Variants in ERCC6L observed in about 807,000 individuals in gnomAD.
ERCC6L encodes DNA excision repair protein ERCC-6-like.
Under a neutral mutation model 20.1 loss-of-function variants are expected in ERCC6L, and 7 were observed. The ratio of observed to expected loss-of-function variants is 0.35; its 90% CI spans 0.20 to 0.65. ERCC6L has a LOEUF of 0.65. Ranked by LOEUF, ERCC6L falls within the 30% of genes least tolerant of loss-of-function variation. The pLI is 0.69. For synonymous variants in ERCC6L, 278 were observed against 331.3 expected (o/e 0.84, Z 1.75); for missense variants, 592 against 892.4 (o/e 0.66, Z 4.29).
chrX:72,219,237 C>G (rs1569490951), intron 1 of ERCC6L, among the ~76,000 whole-genome samples: 1 of 109,489 alleles, frequency 9.1e-6, no homozygotes, highest in Admixed American at 9.7e-5. Context: ...GCCTGGGAAA[C>G]AGAATGAGAC....
chrX:72,212,945 C>T (rs993064072), intron 1 of ERCC6L, among the ~76,000 whole-genome samples: 3 of 103,677 alleles, frequency 2.9e-5, no homozygotes, highest in Non-Finnish European at 6.0e-5. Flanking sequence ...GACCCTGTCT[C>T]AAAAAAAAAA....
In ERCC6L at chrX:72,238,731, G is replaced by A. The variant is rs1258654366; in HGVS notation, c.68+113C>T. On this transcript the variant is annotated intron_variant, in intron 1 of 1. Coordinates refer to ENST00000334463, the MANE Select transcript of ERCC6L (RefSeq NM_017669.4). Reference sequence around the variant, plus strand: ...TACTGCGAGAAGAGCGCGAGCGCGCGTCTCAAAAGGCTCCGCCTCAACAGT... The same window carrying A: ...TACTGCGAGAAGAGCGCGAGCGCGCATCTCAAAAGGCTCCGCCTCAACAGT... The A allele has an allele frequency of 4.5e-6, 3 of 668,970 alleles. No individual in the cohort carries two copies. The East Asian group carries it at 1.1e-4, about 24-fold the overall frequency. The allele number at this position is 668,970 out of a possible 1,213,427, so 55.1% of individuals were successfully genotyped here. A position where few individuals can be genotyped will look rare whatever the true frequency, so the allele number is the denominator to read the frequency against.
chrX:72,235,752 C>T (rs1423636684), intron 1 of ERCC6L, among the ~76,000 whole-genome samples: 1 of 111,261 alleles, frequency 9.0e-6, no homozygotes, highest in Non-Finnish European at 1.9e-5. Context: ...TTCCAATTTC[C>T]CTATTTTAGG....
chrX:72,214,986 C>CAAAA, intron 1 of ERCC6L, among the ~76,000 whole-genome samples: 1 of 110,960 alleles, frequency 9.0e-6, no homozygotes, highest in East Asian at 2.8e-4. Flanking sequence ...GACTCTGACT[C>CAAAA]AAAACAAACA....
chrX:72,205,776 T>G lies in ERCC6L; in HGVS notation c.2991A>C (p.Thr997=). The change falls in exon 2 of 2, where the codon ACA becomes ACC. Residue 997 remains threonine (T), a synonymous_variant. Coordinates refer to ENST00000334463, the MANE Select transcript of ERCC6L (RefSeq NM_017669.4). ...TCTCAGAAAACTCCCAACTGAGACA[T>G]GTTTTGCTATGCACAAACCCTGCTC... ...NSRAGFVHSK[T]CLSWEFSEKD... The G allele has an allele frequency of 8.3e-7, 1 of 1,211,869 alleles. No homozygotes were observed. The highest frequency in any genetic ancestry group is 1.1e-6 in the Non-Finnish European group (1 of 895,389).
chrX:72,204,737 AG>A lies in ERCC6L; in HGVS notation c.*276del, dbSNP rs2042805598. The A allele has an allele frequency of 1.0e-5, 2 of 194,563 alleles. No individual in the cohort carries two copies. The highest frequency in any genetic ancestry group is 2.1e-4 in the East Asian group (2 of 9,303). 16.0% of individuals were successfully genotyped at this position (194,563 alleles called of 1,213,427 possible). A position where few individuals can be genotyped will look rare whatever the true frequency, so the allele number is the denominator to read the frequency against. The stretch of plus-strand genomic sequence containing the variant: ...GATGATCACTTTCAGAGTAAAATTA[AG>A]AATGACCAGAATAATTTTACAAAAC... On this transcript the variant is annotated 3_prime_UTR_variant, in exon 2 of 2. Coordinates refer to ENST00000334463, the MANE Select transcript of ERCC6L (RefSeq NM_017669.4).
Position 72,207,272 on chromosome X carries a change from T to C in ERCC6L, c.1495A>G (p.Arg499Gly). 8.3e-7 allele frequency: 1 copy of C among 1,211,237 alleles called. No homozygotes were observed. The highest frequency in any genetic ancestry group is 1.1e-6 in the Non-Finnish European group (1 of 894,895). ...TCGATTCGCAATGTCTTAAAGTGCCTATTCTTTAAGAGGCGTTCAATGATG... is the reference window on the plus strand; with the variant it reads ...TCGATTCGCAATGTCTTAAAGTGCCCATTCTTTAAGAGGCGTTCAATGATG... ...LNIIERLLKN[R>G]HFKTLRIDGT... The change falls in exon 2 of 2, where the codon AGG becomes GGG. Residue 499 changes from arginine (R) to glycine (G), a missense_variant. Arg to Gly is a moderately radical substitution (Grantham distance 125). Around this residue, in one of 3 missense-constraint regions of ERCC6L, gnomAD observed 196 missense variants for 440.1 expected, o/e 0.45. Coordinates refer to ENST00000334463, the MANE Select transcript of ERCC6L (RefSeq NM_017669.4).
In ERCC6L at chrX:72,205,855, G is replaced by A; in HGVS notation, c.2912C>T (p.Ser971Phe). Reference sequence around the variant, plus strand: ...ATTTTCTTTCTCAACATGCTCTAAAGACTGACTGGAAAAATTTTGTCTGTT... The same window carrying A: ...ATTTTCTTTCTCAACATGCTCTAAAAACTGACTGGAAAAATTTTGTCTGTT... ...ADNRQNFSSQ[S>F]LEHVEKENSL... Residue 971 changes from serine to phenylalanine, a missense_variant, in exon 2 of 2, where the codon TCT becomes TTT. Physicochemically the swap from Ser to Phe is radical, Grantham distance 155. Transcript: ENST00000334463. 8.3e-7 allele frequency: 1 copy of A among 1,211,545 alleles called. No individual in the cohort carries two copies. The highest frequency in any genetic ancestry group is 3.0e-5 in the East Asian group (1 of 33,847).
chrX:72,217,992 C>T (rs941220806), intron 1 of ERCC6L, among the ~76,000 whole-genome samples: 3 of 111,211 alleles, frequency 2.7e-5, no homozygotes, highest in Non-Finnish European at 3.8e-5. Flanking sequence ...AGATGGGGGC[C>T]GGGCGCGGTG....
At chrX:72,210,249 A>G (rs1198616304) in intron 1 of ERCC6L, among the ~76,000 whole-genome samples, 1 of 109,686 alleles carries the variant, frequency 9.1e-6, no homozygotes, top group Non-Finnish European at 1.9e-5. Context: ...AAATAAATGG[A>G]AAAAAGATAT....
Position 72,205,117 on chromosome X carries a change from T to C in ERCC6L, c.3650A>G (p.Gln1217Arg). The part of the protein sequence containing the change: ...GKELKECGKI[Q>R]EALNCLVKAL... ...TTTAACTAAGCAGTTTAGGGCCTCCTGGATTTTTCCACACTCTTTTAGTTC... is the reference window on the plus strand; with the variant it reads ...TTTAACTAAGCAGTTTAGGGCCTCCCGGATTTTTCCACACTCTTTTAGTTC... The change falls in exon 2 of 2, where the codon CAG becomes CGG. Residue 1217 changes from glutamine (Q) to arginine (R), a missense_variant. By Grantham distance (43) the Gln-to-Arg change is conservative. Transcript: ENST00000334463. The C allele has an allele frequency of 8.3e-7, 1 of 1,211,855 alleles. No individual in the cohort carries two copies. The highest frequency in any genetic ancestry group is 1.7e-5 in the African/African-American group (1 of 57,889).
chrX:72,206,596 G>A lies in ERCC6L; in HGVS notation c.2171C>T (p.Thr724Ile), dbSNP rs865972418. The change falls in exon 2 of 2, where the codon ACT becomes ATT. Residue 724 changes from threonine to isoleucine, a missense_variant. This residue lies in a region of ERCC6L where 352 missense variants were observed against 402.6 expected (regional missense o/e 0.87). Transcript: ENST00000334463. ...NKEFLMEQQR[T>I]RNEGAWLREP... is the part of the protein sequence containing the mutation. ...TCTTAGCCAGGCCCCCTCATTTCTA[G>A]TTCTTTGTTGTTCCATCAGGAACTC... 8.3e-7 allele frequency: 1 copy of A among 1,208,980 alleles called. No homozygotes were observed. The highest frequency in any genetic ancestry group is 1.8e-5 in the African/African-American group (1 of 57,039).
At chrX:72,232,273 TAA>T (rs56070381) in intron 1 of ERCC6L, among the ~76,000 whole-genome samples, 5,352 of 61,245 alleles carry the variant, frequency 0.087, 379 homozygotes, top group East Asian at 0.41. Flanking sequence ...GAAGGAGTAT[TAA>T]AAAAAAAAAA....
chrX:72,205,158 AAG>A lies in ERCC6L; in HGVS notation c.3607_3608del (p.Leu1203CysfsTer22), dbSNP rs1282145760. 5 of 1,211,773 alleles carry A rather than the reference AAG, an allele frequency of 4.1e-6. No homozygotes were observed. The highest frequency in any genetic ancestry group is 4.5e-6 in the Non-Finnish European group (4 of 895,557). On this transcript the variant is annotated frameshift_variant, in exon 2 of 2. Coordinates refer to ENST00000334463, the MANE Select transcript of ERCC6L (RefSeq NM_017669.4). LOFTEE classifies it high-confidence loss of function. The part of the protein sequence containing the change: ...AAEATNDYET[L>X]VKRGKELKEC... Reference sequence around the variant, plus strand: ...CTTTTAGTTCTTTTCCACGCTTTACAAGAGTCTCATAGTCATTTGTAGCCTCT... The same window carrying A: ...CTTTTAGTTCTTTTCCACGCTTTACAAGTCTCATAGTCATTTGTAGCCTCT...
intron 1 of ERCC6L, among the ~76,000 whole-genome samples, chrX:72,234,969 C>T (rs1408384430): frequency 1.8e-5 from 2 of 111,377 alleles, no homozygotes; most frequent in African/African-American, 3.3e-5. Flanking sequence ...TGCTTGACAT[C>T]GATATTGATG....
At chrX:72,218,202 G>A (rs1161662613) in intron 1 of ERCC6L, among the ~76,000 whole-genome samples, 1 of 107,241 alleles carries the variant, frequency 9.3e-6, no homozygotes, top group African/African-American at 3.4e-5. Flanking sequence ...CCTGGGAGGC[G>A]GAGCTTGCAG....
At chrX:72,227,149 G>A (rs2042958386) in intron 1 of ERCC6L, among the ~76,000 whole-genome samples, 2 of 111,741 alleles carry the variant, frequency 1.8e-5, no homozygotes, top group South Asian at 7.4e-4. Context: ...TACCTTTTCA[G>A]GATGGGTCGA....
intron 1 of ERCC6L, among the ~76,000 whole-genome samples, chrX:72,234,587 G>T (rs908935670): frequency 1.8e-5 from 2 of 110,721 alleles, no homozygotes; most frequent in Admixed American, 9.6e-5. Flanking sequence ...ATCAAGAGAG[G>T]ATTTTTTTTT....
intron 1 of ERCC6L, among the ~76,000 whole-genome samples, chrX:72,211,044 C>A (rs1165528106): frequency 8.9e-6 from 1 of 112,059 alleles, no homozygotes; most frequent in Non-Finnish European, 1.9e-5. Context: ...ATTTGCAAGA[C>A]TAGAATGCTT....
Sources: gnomAD v4.1 joint callset for allele counts (sites outside exome capture counted in the v4.1 genomes callset) on GRCh38, gnomAD v4.1.1 for gene constraint, gnomAD v4.1.1 regional missense constraint, MANE v1.5 for transcripts, NCBI Gene and HGNC (gene_info 2026-07-23, HGNC 2026-07-21) for gene names.